Variants in ZNF804B observed in about 807,000 individuals in gnomAD.
The protein encoded by ZNF804B is zinc finger 804B.
A neutral mutation model predicts 101.4 loss-of-function variants in ZNF804B; 80 were observed. The ratio of observed to expected loss-of-function variants is 0.79; its 90% confidence interval spans 0.66 to 0.95. The LOEUF is 0.95. Ranked by LOEUF, ZNF804B falls within the 40% of genes least tolerant of loss-of-function variation. The pLI is 0.00. For missense variants in ZNF804B, 1,673 were observed against 1,561.9 expected (o/e 1.07, Z -1.20); for synonymous variants, 622 against 558.8 (o/e 1.11, Z -1.59).
chr7:88,958,647 C>T (rs1469377682), intron 1 of ZNF804B, among the ~76,000 whole-genome samples: 3 of 151,364 alleles, frequency 2.0e-5, no homozygotes, highest in Admixed American at 6.6e-5. Context: ...GACTTTGAAT[C>T]GAAGGAGGTG....
At chr7:89,137,809 C>T (rs1790659292) in intron 1 of ZNF804B, among the ~76,000 whole-genome samples, 1 of 152,068 alleles carries the variant, frequency 6.6e-6, no homozygotes, top group African/African-American at 2.4e-5. Context: ...GCCTCCAGGG[C>T]ATGTCAGAGG....
chr7:89,077,854 A>G (rs376276724), intron 1 of ZNF804B, among the ~76,000 whole-genome samples: 33 of 152,254 alleles, frequency 2.2e-4, no homozygotes, highest in African/African-American at 7.7e-4. Context: ...CTAAAGTGCT[A>G]TTCACCTTAA....
chr7:89,166,094 C>G (rs1368259412), intron 1 of ZNF804B, among the ~76,000 whole-genome samples: 1 of 152,112 alleles, frequency 6.6e-6, no homozygotes, highest in Admixed American at 6.6e-5. Context: ...GATTGGTGTC[C>G]TGTCCCCTGG....
At chr7:89,096,153 T>TAAAAAA in intron 1 of ZNF804B, among the ~76,000 whole-genome samples, 1 of 136,724 alleles carries the variant, frequency 7.3e-6, no homozygotes, top group East Asian at 2.2e-4. Context: ...AGACTCCATT[T>TAAAAAA]AAAAAAAAAA....
At chr7:89,297,585 G>A (rs1410313330) in intron 2 of ZNF804B, among the ~76,000 whole-genome samples, 2 of 152,010 alleles carry the variant, frequency 1.3e-5, no homozygotes, top group Non-Finnish European at 2.9e-5. Flanking sequence ...ACATTTCTGA[G>A]CATTTATCAC....
At chr7:88,828,123 C>T (rs560343877) in intron 1 of ZNF804B, among the ~76,000 whole-genome samples, 2 of 152,200 alleles carry the variant, frequency 1.3e-5, no homozygotes, top group South Asian at 2.1e-4. Context: ...CCTACAAGGT[C>T]GTCAGTGACA....
intron 1 of ZNF804B, among the ~76,000 whole-genome samples, chr7:89,146,063 C>T (rs1439711326): frequency 2.6e-5 from 4 of 152,048 alleles, no homozygotes; most frequent in African/African-American, 9.6e-5. Context: ...TCATTATCCT[C>T]CAACAGGGAA....
chr7:88,803,192 G>T (rs1790634362), intron 1 of ZNF804B, among the ~76,000 whole-genome samples: 1 of 152,036 alleles, frequency 6.6e-6, no homozygotes, highest in African/African-American at 2.4e-5. Flanking sequence ...CTATTGCAAT[G>T]GTTTGGTGAA....
intron 1 of ZNF804B, among the ~76,000 whole-genome samples, chr7:89,020,295 T>C (rs1226627865): frequency 6.6e-6 from 1 of 152,054 alleles, no homozygotes; most frequent in African/African-American, 2.4e-5. Context: ...ATAATTTATT[T>C]CTTATTCATT....
intron 1 of ZNF804B, among the ~76,000 whole-genome samples, chr7:88,934,092 T>C (rs1255211455): frequency 6.6e-6 from 1 of 151,886 alleles, no homozygotes; most frequent in Non-Finnish European, 1.5e-5. Flanking sequence ...TAGGACAGAA[T>C]AGAGAACCCA....
intron 2 of ZNF804B, among the ~76,000 whole-genome samples, chr7:89,276,776 T>C (rs1039691298): frequency 1.3e-5 from 2 of 151,892 alleles, no homozygotes; most frequent in African/African-American, 4.9e-5. Context: ...AAAATGTTTG[T>C]CAACTATATC....
intron 1 of ZNF804B, among the ~76,000 whole-genome samples, chr7:88,826,092 AT>A (rs1791047705): frequency 6.6e-6 from 1 of 152,196 alleles, no homozygotes; most frequent in African/African-American, 2.4e-5. Context: ...ACTTGAAGTG[AT>A]AAACGAATTA....
intron 2 of ZNF804B, among the ~76,000 whole-genome samples, chr7:89,300,232 C>A (rs796113293): frequency 2.0e-5 from 3 of 151,774 alleles, no homozygotes; most frequent in African/African-American, 7.2e-5. Flanking sequence ...GGCTTAAAAG[C>A]CCTTCATAAT....
At chr7:89,243,560 C>T (rs1789400108) in intron 2 of ZNF804B, among the ~76,000 whole-genome samples, 1 of 151,690 alleles carries the variant, frequency 6.6e-6, no homozygotes, top group South Asian at 2.1e-4. Flanking sequence ...GACTGGGCCT[C>T]CTTTATCTGG....
intron 1 of ZNF804B, among the ~76,000 whole-genome samples, chr7:88,889,428 C>G (rs1792182605): frequency 6.6e-6 from 1 of 152,148 alleles, no homozygotes. Context: ...CTTTTCTTTG[C>G]AGCCTTATCA....
intron 1 of ZNF804B, among the ~76,000 whole-genome samples, chr7:88,983,891 G>T (rs1793724619): frequency 6.6e-6 from 1 of 151,888 alleles, no homozygotes; most frequent in African/African-American, 2.4e-5. Flanking sequence ...ATTTGCTCTT[G>T]TATCTTACTT....
chr7:89,031,302 C>T (rs1183679996), intron 1 of ZNF804B, among the ~76,000 whole-genome samples: 2 of 151,396 alleles, frequency 1.3e-5, no homozygotes, highest in African/African-American at 4.9e-5. Context: ...CCCACCTAGA[C>T]TCAATTACCC....
intron 1 of ZNF804B, among the ~76,000 whole-genome samples, chr7:89,092,770 T>G (rs1406150129): frequency 6.6e-6 from 1 of 152,166 alleles, no homozygotes; most frequent in Non-Finnish European, 1.5e-5. Flanking sequence ...TTCCCATTAT[T>G]GTGATTATGA....
chr7:88,867,280 C>G (rs1791740821), intron 1 of ZNF804B, among the ~76,000 whole-genome samples: 1 of 152,166 alleles, frequency 6.6e-6, no homozygotes. Context: ...TGTCTGCAAG[C>G]TGGAGAACCA....
Sources: gnomAD v4.1 joint callset for allele counts (sites outside exome capture counted in the v4.1 genomes callset) on GRCh38, gnomAD v4.1.1 for gene constraint, MANE v1.5 for transcripts, NCBI Gene and HGNC (gene_info 2026-07-23, HGNC 2026-07-21) for gene names.